The following RALGAPA1 variants were observed in gnomAD, a reference collection of about 807,000 sequenced individuals.
RALGAPA1 encodes Ral GTPase activating protein catalytic subunit alpha 1.
In RALGAPA1, 52 loss-of-function variants were observed where a neutral mutation model predicts 269.6. The ratio of observed to expected loss-of-function variants is 0.19; its 90% confidence interval spans 0.15 to 0.24. The LOEUF (loss-of-function observed/expected upper bound fraction) is 0.24. Ranked by LOEUF, RALGAPA1 falls within the 10% of genes least tolerant of loss-of-function variation. RALGAPA1 has a pLI of 1.00. For missense variants in RALGAPA1, 1,917 were observed against 3,013.9 expected (o/e 0.64, Z 8.52); for synonymous variants, 817 against 1,008.3 (o/e 0.81, Z 3.60).
At chr14:35,602,118 G>C (rs2059325527) in intron 36 of RALGAPA1, among the ~76,000 whole-genome samples, 1 of 152,080 alleles carries the variant, frequency 6.6e-6, no homozygotes. Context: ...ATGTTTTCAA[G>C]GTACATTCAT....
intron 21 of RALGAPA1, among the ~76,000 whole-genome samples, chr14:35,679,346 G>A (rs1324975371): frequency 2.6e-5 from 4 of 152,170 alleles, no homozygotes; most frequent in African/African-American, 4.8e-5. Flanking sequence ...GATGCTCCTT[G>A]ACTTATGATG....
At chr14:35,714,312 A>G (rs977929429) in intron 16 of RALGAPA1, among the ~76,000 whole-genome samples, 15 of 152,214 alleles carry the variant, frequency 9.9e-5, no homozygotes, top group African/African-American at 3.6e-4. Flanking sequence ...GTATTTTGAT[A>G]AACAATAGCC....
Position 35,561,312 on chromosome 14 carries a change from T to C in RALGAPA1, c.7496+9305A>G, listed in dbSNP as rs544643989. Among the ~76,000 whole-genome samples, 4 of 147,744 alleles carry C rather than the reference T, an allele frequency of 2.7e-5. No individual in the cohort carries two copies. The South Asian group carries it at 8.6e-4, about 32-fold the overall frequency. ...TTTTGAAAAGAATAGCTAAATAAATTAAAACTGACATAATCAAAAATATAC... is the reference window on the plus strand; with the variant it reads ...TTTTGAAAAGAATAGCTAAATAAATCAAAACTGACATAATCAAAAATATAC... On this transcript the variant is annotated intron_variant, in intron 39 of 41. Coordinates refer to ENST00000680220, the MANE Select transcript of RALGAPA1 (RefSeq NM_001346249.2).
intron 16 of RALGAPA1, among the ~76,000 whole-genome samples, chr14:35,717,533 C>A (rs564542893): frequency 1.3e-5 from 2 of 152,056 alleles, no homozygotes; most frequent in African/African-American, 4.8e-5. Flanking sequence ...AGTACTTCCA[C>A]GTAATTATGA....
At chr14:35,725,969 A>G (rs973329291) in intron 13 of RALGAPA1, among the ~76,000 whole-genome samples, 4 of 152,218 alleles carry the variant, frequency 2.6e-5, no homozygotes, top group African/African-American at 9.6e-5. Flanking sequence ...TTAAAACCAT[A>G]AAACTACCTT....
At chr14:35,645,190 T>C (rs2062319250) in intron 31 of RALGAPA1, among the ~76,000 whole-genome samples, 1 of 152,144 alleles carries the variant, frequency 6.6e-6, no homozygotes, top group South Asian at 2.1e-4. Context: ...TCTCTTCTTA[T>C]AAGGGCACTA....
At chr14:35,706,502 T>C (rs527766951) in intron 16 of RALGAPA1, 8 of 152,308 alleles carry the variant, frequency 5.3e-5, no homozygotes, top group Admixed American at 5.2e-4. Flanking sequence ...CTCTCACCCA[T>C]ACCATACTTT....
chr14:35,646,723 T>A (rs1158524291), intron 31 of RALGAPA1, among the ~76,000 whole-genome samples: 1 of 152,230 alleles, frequency 6.6e-6, no homozygotes, highest in African/African-American at 2.4e-5. Flanking sequence ...AATACAAATG[T>A]ATCACTAATA....
At position 35,672,922 on chromosome 14, in the gene RALGAPA1, T is replaced by C. The variant is rs1480282340; in HGVS notation, c.5018A>G (p.Asp1673Gly). 1 of 1,573,042 alleles carries C rather than the reference T, an allele frequency of 6.4e-7. No homozygotes were observed. Among genetic ancestry groups the C allele is most frequent in the Non-Finnish European group, 8.6e-7 (1 of 1,160,334 alleles). ...KRRQDVSPNR[D>G]FLTHFYNIMH... ...TATATTGTAGAAATGTGTTAGAAAA[T>C]CTCTATTTGGAGAAACATCTTGTCT... Residue 1673 changes from aspartate to glycine, a missense_variant, in exon 25 of 42, where the codon GAT becomes GGT. Coordinates refer to ENST00000680220, the MANE Select transcript of RALGAPA1 (RefSeq NM_001346249.2).
At chr14:35,766,670 A>G in intron 4 of RALGAPA1, 1 of 671,426 alleles carries the variant, frequency 1.5e-6, no homozygotes, top group Non-Finnish European at 2.8e-6. Context: ...GAATTCTCTC[A>G]GGAAATGTTT....
intron 35 of RALGAPA1, among the ~76,000 whole-genome samples, chr14:35,610,437 C>T (rs8018040): frequency 0.17 from 26,208 of 151,890 alleles, 4,146 homozygotes; most frequent in African/African-American, 0.41. Context: ...TGCCCACCAC[C>T]ACGCCCGGCT....
chr14:35,702,310 T>C (rs189316047), intron 16 of RALGAPA1, among the ~76,000 whole-genome samples: 27 of 152,292 alleles, frequency 1.8e-4, no homozygotes, highest in African/African-American at 6.3e-4. Flanking sequence ...TGGAAAAAGA[T>C]AATCATAGAT....
intron 36 of RALGAPA1, among the ~76,000 whole-genome samples, chr14:35,597,619 T>C (rs991869498): frequency 4.6e-5 from 7 of 152,280 alleles, no homozygotes; most frequent in South Asian, 4.1e-4. Flanking sequence ...ACTGACGACA[T>C]TGATATAGTT....
At chr14:35,789,226 G>C (rs1459460636) in intron 1 of RALGAPA1, among the ~76,000 whole-genome samples, 1 of 151,726 alleles carries the variant, frequency 6.6e-6, no homozygotes, top group East Asian at 1.9e-4. Flanking sequence ...AGGCAGTCTA[G>C]TATAAATATC....
At chr14:35,782,162 CTG>C (rs552140629) in intron 1 of RALGAPA1, among the ~76,000 whole-genome samples, 28 of 152,270 alleles carry the variant, frequency 1.8e-4, no homozygotes, top group African/African-American at 6.3e-4. Flanking sequence ...GAAAAATCAA[CTG>C]TATTTCTATA....
chr14:35,547,685 C>G (rs185932469), intron 41 of RALGAPA1, among the ~76,000 whole-genome samples: 10 of 152,076 alleles, frequency 6.6e-5, no homozygotes, highest in Admixed American at 2.0e-4. Flanking sequence ...TTTTTTAATG[C>G]CAAACTGGGT....
intron 39 of RALGAPA1, among the ~76,000 whole-genome samples, chr14:35,568,241 C>G (rs143713688): frequency 3.3e-5 from 5 of 152,162 alleles, no homozygotes; most frequent in Middle Eastern, 3.4e-3. Flanking sequence ...TCTGACATGA[C>G]ACTCAAAGGA....
chr14:35,577,385 T>A (rs1018188903), intron 37 of RALGAPA1, among the ~76,000 whole-genome samples: 2 of 152,078 alleles, frequency 1.3e-5, no homozygotes, highest in Admixed American at 6.5e-5. Context: ...GGGATTAATG[T>A]CCTTATAAAA....
At position 35,657,689 on chromosome 14, in the gene RALGAPA1, A is replaced by T. The variant is rs937677122; in HGVS notation, c.5387+1449T>A. Reference sequence around the variant, plus strand: ...CTTGAGAAGCAACATATATATATATATTTTTTTTTTTTTTTGGTAAAAAAA... The same window carrying T: ...CTTGAGAAGCAACATATATATATATTTTTTTTTTTTTTTTTGGTAAAAAAA... On this transcript the variant is annotated intron_variant, in intron 28 of 41. Transcript: ENST00000680220. Among the ~76,000 whole-genome samples, 1,297 of 145,270 alleles carry T rather than the reference A, an allele frequency of 8.9e-3. 8 individuals are homozygous for T. Among genetic ancestry groups the T allele is most frequent in the Non-Finnish European group, 0.015 (978 of 66,352 alleles).
Sources: allele counts gnomAD v4.1 joint callset (sites outside exome capture counted in the v4.1 genomes callset), GRCh38; gene constraint gnomAD v4.1.1; transcripts MANE v1.5; gene names NCBI Gene and HGNC (gene_info 2026-07-23, HGNC 2026-07-21).